The following QKI variants were observed in gnomAD, a reference collection of about 807,000 sequenced individuals.
QKI encodes QKI, KH domain containing RNA binding, also known as KH domain-containing RNA-binding protein QKI.
QKI carries 10 observed loss-of-function variants against 39.0 expected under a neutral mutation model. The ratio of observed to expected loss-of-function variants is 0.26; its 90% CI spans 0.16 to 0.43. The LOEUF (loss-of-function observed/expected upper bound fraction) is 0.43. QKI is among the 20% of genes least tolerant of loss of function. The pLI is 1.00. For missense variants in QKI, 218 were observed against 428.0 expected (o/e 0.51, Z 4.33); for synonymous variants, 204 against 155.4 (o/e 1.31, Z -2.33).
At chr6:163,542,500 A>G (rs1781594778) in intron 4 of QKI, among the ~76,000 whole-genome samples, 1 of 152,008 alleles carries the variant, frequency 6.6e-6, no homozygotes, top group African/African-American at 2.4e-5. Flanking sequence ...GTGGGGAGGT[A>G]AAAGGTTTCC....
At position 163,573,155 on chromosome 6, in the gene QKI, CTT is replaced by C. The variant is rs1200385062; in HGVS notation, c.*2448_*2449del. The C allele has an allele frequency of 9.2e-5, 14 of 152,090 alleles. No individual in the cohort carries two copies. Among genetic ancestry groups the C allele is most frequent in the Admixed American group, 5.9e-4 (9 of 15,272 alleles). The allele number at this position is 152,090 out of a possible 1,614,324, so 9.4% of individuals were successfully genotyped here. On this transcript the variant is annotated 3_prime_UTR_variant, in exon 8 of 8. Transcript: ENST00000361752. ...ATAGGGAATGTTGGCTCTGAACAAA[CTT>C]TTGAAAACTTGGTTGACAAAATTTT...
intron 3 of QKI, among the ~76,000 whole-genome samples, chr6:163,479,661 C>T (rs1409111162): frequency 6.6e-6 from 1 of 152,246 alleles, no homozygotes; most frequent in Non-Finnish European, 1.5e-5. Flanking sequence ...TGAGCCACCA[C>T]GCCTGGCGGT....
intron 1 of QKI, among the ~76,000 whole-genome samples, chr6:163,446,064 A>G (rs369713870): frequency 9.8e-5 from 15 of 152,326 alleles, no homozygotes; most frequent in East Asian, 5.8e-4. Context: ...CCGTACAGCT[A>G]TCCTTTCATA....
At position 163,578,485 on chromosome 6, in the gene QKI, A is replaced by G. The variant is rs1777704907; in HGVS notation, c.*7775A>G. The G allele has an allele frequency of 6.6e-6, 1 of 152,218 alleles. No homozygotes were observed. Among genetic ancestry groups the G allele is most frequent in the Non-Finnish European group, 1.5e-5 (1 of 68,042 alleles). The allele number at this position is 152,218 out of a possible 1,614,324, so 9.4% of individuals were successfully genotyped here. ...TAAGACATACTGGTAGTACAAGTTG[A>G]AAGTTGGTTTGAATACATTTTAATT... On this transcript the variant is annotated 3_prime_UTR_variant, in exon 8 of 8. Transcript: ENST00000361752.
chr6:163,502,818 G>A (rs1283266251), intron 3 of QKI, among the ~76,000 whole-genome samples: 2 of 152,142 alleles, frequency 1.3e-5, no homozygotes, highest in African/African-American at 4.8e-5. Context: ...GAACATGCAA[G>A]TTGCATGTGT....
At chr6:163,541,961 A>C (rs1292934011) in intron 4 of QKI, among the ~76,000 whole-genome samples, 1 of 151,918 alleles carries the variant, frequency 6.6e-6, no homozygotes, top group African/African-American at 2.4e-5. Context: ...TATGTGTTTA[A>C]CTATGTATGG....
At chr6:163,565,089 C>G in intron 6 of QKI, 1 of 1,032,748 alleles carries the variant, frequency 9.7e-7, no homozygotes, top group South Asian at 4.2e-5. Flanking sequence ...TACATGTTTT[C>G]TGTTTAAATC....
chr6:163,478,335 G>A (rs1210022646), intron 2 of QKI, among the ~76,000 whole-genome samples: 1 of 152,136 alleles, frequency 6.6e-6, no homozygotes, highest in Non-Finnish European at 1.5e-5. Context: ...TTTTTCTTAG[G>A]TAAATAAAAG....
chr6:163,481,708 G>GGC (rs1195630104), intron 3 of QKI, among the ~76,000 whole-genome samples: 1 of 152,072 alleles, frequency 6.6e-6, no homozygotes, highest in East Asian at 1.9e-4. Flanking sequence ...ATTATTGATG[G>GGC]GCTCAACAGC....
chr6:163,487,778 T>A (rs969405412), intron 3 of QKI, among the ~76,000 whole-genome samples: 7 of 152,184 alleles, frequency 4.6e-5, no homozygotes, highest in African/African-American at 1.7e-4. Flanking sequence ...ATTTCTGTTC[T>A]TTTTTGAAAG....
At chr6:163,425,473 T>C (rs369466261) in intron 1 of QKI, among the ~76,000 whole-genome samples, 1 of 150,528 alleles carries the variant, frequency 6.6e-6, no homozygotes, top group Non-Finnish European at 1.5e-5. Flanking sequence ...GAATGAACTC[T>C]TTGTGCATAA....
chr6:163,469,703 T>C (rs958820333), intron 2 of QKI, among the ~76,000 whole-genome samples: 1 of 152,190 alleles, frequency 6.6e-6, no homozygotes, highest in African/African-American at 2.4e-5. Flanking sequence ...GATTATTATC[T>C]CTGTCCAGGT....
intron 3 of QKI, among the ~76,000 whole-genome samples, chr6:163,523,614 A>G (rs1780293260): frequency 6.6e-6 from 1 of 152,192 alleles, no homozygotes; most frequent in Non-Finnish European, 1.5e-5. Flanking sequence ...ATGTTGAGAA[A>G]CTAGTATATT....
intron 1 of QKI, among the ~76,000 whole-genome samples, chr6:163,426,096 C>T (rs1389063120): frequency 2.0e-5 from 3 of 152,118 alleles, no homozygotes; most frequent in Non-Finnish European, 2.9e-5. Context: ...TGGATTAATC[C>T]TACAGATAAC....
chr6:163,478,521 G>C (rs1792803298), intron 2 of QKI, among the ~76,000 whole-genome samples: 1 of 152,144 alleles, frequency 6.6e-6, no homozygotes, highest in Non-Finnish European at 1.5e-5. Flanking sequence ...TTGATGGACA[G>C]TTGTATCTGT....
intron 1 of QKI, among the ~76,000 whole-genome samples, chr6:163,420,689 G>A (rs1238001223): frequency 6.6e-6 from 1 of 151,928 alleles, no homozygotes; most frequent in Non-Finnish European, 1.5e-5. Context: ...TAACTTTTAG[G>A]GAATATTTAT....
At chr6:163,552,622 G>A (rs897625112) in intron 4 of QKI, among the ~76,000 whole-genome samples, 2 of 152,078 alleles carry the variant, frequency 1.3e-5, no homozygotes, top group Admixed American at 6.6e-5. Flanking sequence ...TATAAAAGTG[G>A]ACCTGCATGG....
At chr6:163,500,092 G>A (rs1331453110) in intron 3 of QKI, among the ~76,000 whole-genome samples, 2 of 152,156 alleles carry the variant, frequency 1.3e-5, no homozygotes, top group African/African-American at 4.8e-5. Flanking sequence ...AATGTGATGG[G>A]ACTGTCCAAG....
chr6:163,462,140 G>A (rs1381003358), intron 2 of QKI, among the ~76,000 whole-genome samples: 1 of 152,086 alleles, frequency 6.6e-6, no homozygotes, highest in African/African-American at 2.4e-5. Flanking sequence ...TTTTATCTTA[G>A]AGACAAGGTT....
Sources: allele counts gnomAD v4.1 joint callset (sites outside exome capture counted in the v4.1 genomes callset), GRCh38; gene constraint gnomAD v4.1.1; transcripts MANE v1.5; gene names NCBI Gene and HGNC (gene_info 2026-07-23, HGNC 2026-07-21).